The following SOX6 variants were observed in gnomAD, a reference collection of about 807,000 sequenced individuals.
The protein encoded by SOX6 is transcription factor SOX-6.
SOX6 carries 11 observed loss-of-function variants against 97.8 expected under a neutral mutation model. The observed-to-expected ratio is 0.11, with a 90% CI of 0.07 to 0.19. The LOEUF (loss-of-function observed/expected upper bound fraction) is 0.19. Ranked by LOEUF, SOX6 falls within the 10% of genes least tolerant of loss-of-function variation. The pLI is 1.00. For missense variants in SOX6, 810 were observed against 1,039.5 expected (o/e 0.78, Z 3.04); for synonymous variants, 360 against 371.4 (o/e 0.97, Z 0.35).
At chr11:16,093,353 A>T (rs964480088) in intron 9 of SOX6, among the ~76,000 whole-genome samples, 2 of 152,026 alleles carry the variant, frequency 1.3e-5, no homozygotes, top group African/African-American at 4.8e-5. Flanking sequence ...GTAGTATTTT[A>T]AAAAATGGTC....
intron 3 of SOX6, among the ~76,000 whole-genome samples, chr11:16,253,760 C>T (rs541557852): frequency 6.6e-6 from 1 of 151,280 alleles, no homozygotes; most frequent in East Asian, 1.9e-4. Context: ...AATGGGAATA[C>T]CAGAAGGAAA....
intron 1 of SOX6, among the ~76,000 whole-genome samples, chr11:16,395,911 T>C (rs1858340283): frequency 6.6e-6 from 1 of 151,802 alleles, no homozygotes; most frequent in South Asian, 2.1e-4. Context: ...CATTTTTATA[T>C]GAGTGAAATT....
intron 4 of SOX6, among the ~76,000 whole-genome samples, chr11:16,497,516 T>A (rs1860621703): frequency 6.6e-6 from 1 of 151,606 alleles, no homozygotes; most frequent in Non-Finnish European, 1.5e-5. Context: ...ATCAAACTAC[T>A]CCGAGATAAA....
intron 1 of SOX6, among the ~76,000 whole-genome samples, chr11:16,387,953 C>T (rs1469587245): frequency 6.6e-6 from 1 of 152,030 alleles, no homozygotes; most frequent in African/African-American, 2.4e-5. Context: ...TTGCCTCATT[C>T]TAATGGTTGG....
At chr11:15,984,860 T>C (rs1409555315) in intron 15 of SOX6, among the ~76,000 whole-genome samples, 1 of 152,194 alleles carries the variant, frequency 6.6e-6, no homozygotes, top group Non-Finnish European at 1.5e-5. Context: ...AATGCTAGAG[T>C]TCACCTTTAT....
intron 4 of SOX6, among the ~76,000 whole-genome samples, chr11:16,596,652 T>C (rs550904150): frequency 1.5e-4 from 23 of 152,328 alleles, no homozygotes; most frequent in African/African-American, 5.3e-4. Flanking sequence ...CTGTACAGAA[T>C]CACCTATATC....
At chr11:16,405,748 ATAAGTTGAGCTT>A (rs1858671902) in intron 1 of SOX6, among the ~76,000 whole-genome samples, 1 of 152,054 alleles carries the variant, frequency 6.6e-6, no homozygotes, top group Non-Finnish European at 1.5e-5. Flanking sequence ...TGCCTCTTTA[ATAAGTTGAGCTT>A]GCAGAGTATA....
At chr11:16,037,158 A>C (rs574701886) in intron 12 of SOX6, among the ~76,000 whole-genome samples, 1 of 152,190 alleles carries the variant, frequency 6.6e-6, no homozygotes, top group African/African-American at 2.4e-5. Flanking sequence ...ATAACTAAAA[A>C]ATTCCTGACA....
At chr11:16,144,014 T>G (rs1424747528) in intron 6 of SOX6, among the ~76,000 whole-genome samples, 1 of 152,172 alleles carries the variant, frequency 6.6e-6, no homozygotes, top group Non-Finnish European at 1.5e-5. Context: ...AATAGACATA[T>G]ACAGAACTCT....
chr11:16,474,315 T>A (rs949658126), intron 1 of SOX6, among the ~76,000 whole-genome samples: 2 of 152,242 alleles, frequency 1.3e-5, no homozygotes, highest in African/African-American at 4.8e-5. Flanking sequence ...CTTAATGGTA[T>A]CTAGAATGGT....
chr11:16,492,271 G>A (rs1470889542), intron 4 of SOX6, among the ~76,000 whole-genome samples: 1 of 152,176 alleles, frequency 6.6e-6, no homozygotes, highest in Non-Finnish European at 1.5e-5. Flanking sequence ...CTGCTACTTA[G>A]GAGTTCCCTG....
intron 6 of SOX6, among the ~76,000 whole-genome samples, chr11:16,131,161 AG>A (rs2134019546): frequency 6.6e-6 from 1 of 152,040 alleles, no homozygotes; most frequent in East Asian, 1.9e-4. Context: ...ATGGTTAAAA[AG>A]CTAAGCCACA....
rs1407847666 is a variant in SOX6, at chr11:16,198,199, G to A, written c.536-11244C>T. ...CTCCCGAGTAGCTGGGATTACAGGC[G>A]CCTGCCACCACGCCCTGCTAATTTT... On this transcript the variant is annotated intron_variant, in intron 4 of 15. Coordinates refer to ENST00000683767, the MANE Select transcript of SOX6 (RefSeq NM_001367873.1). Among the ~76,000 whole-genome samples, 6 of 149,528 alleles carry A rather than the reference G, an allele frequency of 4.0e-5. No individual in the cohort carries two copies. In the South Asian group the frequency reaches 6.4e-4, roughly 16 times the overall value.
intron 1 of SOX6, among the ~76,000 whole-genome samples, chr11:16,369,649 T>G (rs1199088751): frequency 6.6e-6 from 1 of 152,148 alleles, no homozygotes; most frequent in South Asian, 2.1e-4. Context: ...ATGTAGTGAG[T>G]GTTTTACATT....
chr11:16,331,175 A>G (rs1856282829), intron 2 of SOX6, among the ~76,000 whole-genome samples: 1 of 152,110 alleles, frequency 6.6e-6, no homozygotes, highest in Admixed American at 6.6e-5. Context: ...TTTGAGTGAC[A>G]CCCATACTGT....
intron 1 of SOX6, among the ~76,000 whole-genome samples, chr11:16,467,681 T>A (rs1350366700): frequency 6.6e-6 from 1 of 152,150 alleles, no homozygotes; most frequent in East Asian, 1.9e-4. Context: ...AACTAGCTGA[T>A]GGTACTTGGG....
chr11:16,448,990 C>T (rs1176044021), intron 1 of SOX6, among the ~76,000 whole-genome samples: 1 of 152,190 alleles, frequency 6.6e-6, no homozygotes, highest in Non-Finnish European at 1.5e-5. Context: ...GCTATGATTA[C>T]ACCACTGCAC....
intron 3 of SOX6, among the ~76,000 whole-genome samples, chr11:16,251,053 G>A (rs1377456070): frequency 6.6e-6 from 1 of 151,850 alleles, no homozygotes; most frequent in Non-Finnish European, 1.5e-5. Flanking sequence ...ACAATCTATG[G>A]GGCAAAAATA....
chr11:16,154,172 G>GTAAGGCCA (rs1850535522), intron 6 of SOX6, among the ~76,000 whole-genome samples: 2 of 152,020 alleles, frequency 1.3e-5, no homozygotes, highest in African/African-American at 4.8e-5. Flanking sequence ...GGCCAACAAT[G>GTAAGGCCA]AAGATACCTT....
Sources: gnomAD v4.1 joint callset for allele counts (sites outside exome capture counted in the v4.1 genomes callset) on GRCh38, gnomAD v4.1.1 for gene constraint, MANE v1.5 for transcripts, NCBI Gene and HGNC (gene_info 2026-07-23, HGNC 2026-07-21) for gene names.